The following ZNF57 variants were observed in gnomAD, a reference collection of about 807,000 sequenced individuals.
ZNF57 encodes zinc finger protein 57.
ZNF57 carries 11 observed loss-of-function variants against 13.4 expected under a neutral mutation model. The ratio of observed to expected loss-of-function variants is 0.82; its 90% CI spans 0.52 to 1.36. The LOEUF (loss-of-function observed/expected upper bound fraction) is 1.36, where lower values mean the gene tolerates loss of function less well. Among genes scored for constraint, ZNF57 ranks in the 40% most tolerant of loss-of-function variants. The pLI is 0.00. For missense variants in ZNF57, 696 were observed against 667.5 expected (o/e 1.04, Z -0.47); for synonymous variants, 224 against 238.5 (o/e 0.94, Z 0.56).
At position 2,910,915 on chromosome 19, in the gene ZNF57, G is replaced by C. The variant is rs2088128243; in HGVS notation, c.4-4607G>C. Among the ~76,000 whole-genome samples, 7 of 151,554 alleles carry C rather than the reference G, an allele frequency of 4.6e-5. No individual in the cohort carries two copies. In the Admixed American group the frequency reaches 4.6e-4, roughly 10 times the overall value. On this transcript the variant is annotated intron_variant, in intron 1 of 3. Transcript: ENST00000306908. ...GGCCTGGTTACTGTTTTCTGTTTTT[G>C]TTGCCCTGGTTCGTTGTTCCTTATT... is the stretch of plus-strand genomic sequence containing the variant.
chr19:2,911,794 A>T (rs367951675), intron 1 of ZNF57, among the ~76,000 whole-genome samples: 23 of 152,026 alleles, frequency 1.5e-4, no homozygotes, highest in African/African-American at 4.4e-4. Flanking sequence ...GTGCTTTTCA[A>T]ATCTCTCCCA....
chr19:2,903,065 G>A (rs1178516254), intron 1 of ZNF57, among the ~76,000 whole-genome samples: 1 of 152,220 alleles, frequency 6.6e-6, no homozygotes, highest in Admixed American at 6.5e-5. Flanking sequence ...TCGTAGAACA[G>A]CCGCAGCGGG....
Position 2,917,726 on chromosome 19 carries a change from T to C in ZNF57, c.1105T>C (p.Cys369Arg), listed in dbSNP as rs2088222924. 10 of 1,613,690 alleles carry C rather than the reference T, an allele frequency of 6.2e-6. No homozygotes were observed. The Middle Eastern group carries it at 5.0e-4, about 80-fold the overall frequency. The change falls in exon 4 of 4, where the codon TGT (cysteine) becomes CGT (arginine). Residue 369 changes from cysteine (C) to arginine (R), a missense_variant. Physicochemically the swap from Cys to Arg is radical, Grantham distance 180. This residue lies in a region of ZNF57 where 645 missense variants were observed against 591.5 expected (regional missense o/e 1.09). Transcript: ENST00000306908. ...TGEKPYECKQ[C>R]GKAFTWSSTF... Reference sequence around the variant, plus strand: ...AGAGAAACCTTATGAGTGTAAACAATGTGGGAAAGCCTTCACTTGGTCCTC... The same window carrying C: ...AGAGAAACCTTATGAGTGTAAACAACGTGGGAAAGCCTTCACTTGGTCCTC...
intron 1 of ZNF57, among the ~76,000 whole-genome samples, chr19:2,904,408 C>T (rs889592820): frequency 6.6e-6 from 1 of 152,150 alleles, no homozygotes; most frequent in Non-Finnish European, 1.5e-5. Context: ...GTGGTGTGAT[C>T]GTGGCTCACT....
At position 2,916,249 on chromosome 19, in the gene ZNF57, G is replaced by A. The variant is rs1238447740; in HGVS notation, c.302G>A (p.Arg101Lys). Residue 101 changes from arginine to lysine, a missense_variant and splice_region_variant, in exon 3 of 4, where the codon AGA becomes AAA. Physicochemically the swap from Arg to Lys is conservative, Grantham distance 26. Around this residue, in one of 3 missense-constraint regions of ZNF57, gnomAD observed 645 missense variants for 591.5 expected, o/e 1.09. Coordinates refer to ENST00000306908, the MANE Select transcript of ZNF57 (RefSeq NM_173480.3). Reference protein sequence around the residue: ...YGTEDHHKNLRNHMVDRFCTH... With the variant: ...YGTEDHHKNLKNHMVDRFCTH... ...ACTGAAGACCACCACAAAAATCTGA[G>A]GTGAGTTGCACTCACAAGAGAAAAA... 3.7e-6 allele frequency: 6 copies of A among 1,601,464 alleles called. No homozygotes were observed. The African/African-American group carries it at 6.7e-5, about 18-fold the overall frequency.
intron 1 of ZNF57, among the ~76,000 whole-genome samples, chr19:2,907,558 T>TA (rs2144922696): frequency 6.6e-6 from 1 of 152,328 alleles, no homozygotes; most frequent in South Asian, 2.1e-4. Context: ...TTTCCATTGG[T>TA]TCGTTTGTCC....
chr19:2,916,410 T>A, intron 3 of ZNF57, 161 bp downstream of exon 3: 2 of 680,830 alleles, frequency 2.9e-6, no homozygotes, highest in Admixed American at 6.7e-5. Context: ...TGAAACATAA[T>A]TGTTAGAAGT....
intron 1 of ZNF57, among the ~76,000 whole-genome samples, chr19:2,911,457 CGA>C (rs1486656335): frequency 6.6e-6 from 1 of 151,978 alleles, no homozygotes; most frequent in Non-Finnish European, 1.5e-5. Flanking sequence ...CTCCTGAACC[CGA>C]GAGGCAGAGG....
chr19:2,916,017 G>GTCTT lies in ZNF57; in HGVS notation c.131-60_131-57dup, dbSNP rs2088189253. ...TCCTCAAAATGCTAAACTCCTCAGTGTCTTCCTTTGCTTAATACGTGTCTT... is the reference window on the plus strand; with the variant it reads ...TCCTCAAAATGCTAAACTCCTCAGTGTCTTTCTTCCTTTGCTTAATACGTGTCTT... On this transcript the variant is annotated intron_variant, in intron 2 of 3. Transcript: ENST00000306908. The GTCTT allele has an allele frequency of 6.0e-5, 93 of 1,547,988 alleles. No homozygotes were observed. The South Asian group carries it at 1.1e-3, about 19-fold the overall frequency.
chr19:2,912,776 G>A (rs1568182125), intron 1 of ZNF57, among the ~76,000 whole-genome samples: 1 of 152,178 alleles, frequency 6.6e-6, no homozygotes, highest in Non-Finnish European at 1.5e-5. Context: ...CCAGCAATGT[G>A]TGAAGATTCC....
chr19:2,917,781 C>G lies in ZNF57; in HGVS notation c.1160C>G (p.Thr387Arg). ...STFREHVRIHTQEQLYKCEQC... is the reference protein window; with the variant it reads ...STFREHVRIHRQEQLYKCEQC... ...TTTAGAGAACATGTGAGAATTCACA[C>G]GCAAGAGCAGCTCTATAAATGTGAA... The change falls in exon 4 of 4, where the codon ACG becomes AGG. Residue 387 changes from threonine (T) to arginine (R), a missense_variant. Coordinates refer to ENST00000306908, the MANE Select transcript of ZNF57 (RefSeq NM_173480.3). The G allele has an allele frequency of 6.2e-7, 1 of 1,606,010 alleles. No homozygotes were observed. Among genetic ancestry groups the G allele is most frequent in the East Asian group, 2.2e-5 (1 of 44,846 alleles).
chr19:2,916,050 T>A (rs2043335), intron 2 of ZNF57, 28 bp from the exon 3 acceptor site: 1,543,704 of 1,599,354 alleles, frequency 0.97, 746,998 homozygotes, highest in Non-Finnish European at 0.98. Context: ...CTTATTCCTT[T>A]TGAGATTTGT....
chr19:2,916,034 A>G (rs746078871), intron 2 of ZNF57, 44 bp from the exon 3 acceptor site: 2 of 1,581,984 alleles, frequency 1.3e-6, no homozygotes, highest in Non-Finnish European at 1.7e-6. Flanking sequence ...TTTGCTTAAT[A>G]CGTGTCTTAT....
intron 1 of ZNF57, among the ~76,000 whole-genome samples, chr19:2,913,951 A>G (rs1016131888): frequency 4.6e-5 from 7 of 151,702 alleles, no homozygotes; most frequent in Admixed American, 3.3e-4. Flanking sequence ...AATATTTTGT[A>G]TTTCTATTGT....
At chr19:2,909,281 GT>G (rs753880478) in intron 1 of ZNF57, among the ~76,000 whole-genome samples, 5,218 of 106,964 alleles carry the variant, frequency 0.049, 44 homozygotes, top group Non-Finnish European at 0.057. Context: ...ATTTATTTTT[GT>G]TTTTTTTTTT....
In ZNF57 at chr19:2,917,295, A is replaced by G; in HGVS notation, c.674A>G (p.Lys225Arg). 3 of 1,614,068 alleles carry G rather than the reference A, an allele frequency of 1.9e-6. No homozygotes were observed. The highest frequency in any genetic ancestry group is 2.5e-6 in the Non-Finnish European group (3 of 1,179,952). The change falls in exon 4 of 4, where the codon AAA (lysine) becomes AGA (arginine). Residue 225 changes from lysine to arginine, a missense_variant. Coordinates refer to ENST00000306908, the MANE Select transcript of ZNF57 (RefSeq NM_173480.3). ...ACTCACACAGCAGAGAAAACCTACAAATGCGAGCAGTGTCGGATGGCGTTT... is the reference window on the plus strand; with the variant it reads ...ACTCACACAGCAGAGAAAACCTACAGATGCGAGCAGTGTCGGATGGCGTTT... ...VKTHTAEKTY[K>R]CEQCRMAFNG...
chr19:2,901,270 G>A (rs1465793645), intron 1 of ZNF57, among the ~76,000 whole-genome samples: 1 of 131,402 alleles, frequency 7.6e-6, no homozygotes, highest in Non-Finnish European at 1.6e-5. Context: ...GGGTAACTTA[G>A]GGGGAGGCCT....
intron 1 of ZNF57, among the ~76,000 whole-genome samples, chr19:2,911,535 A>C (rs1415735980): frequency 1.0e-5 from 1 of 100,298 alleles, no homozygotes; most frequent in Non-Finnish European, 1.9e-5. Flanking sequence ...TCTGTCTCAA[A>C]AACAAAAAAA....
chr19:2,904,862 C>T (rs149414320), intron 1 of ZNF57, among the ~76,000 whole-genome samples: 23 of 152,074 alleles, frequency 1.5e-4, no homozygotes, highest in African/African-American at 5.5e-4. Context: ...AGCTTACTGT[C>T]TGTGTGTGGG....
Sources: allele counts gnomAD v4.1 joint callset (sites outside exome capture counted in the v4.1 genomes callset), GRCh38; gene constraint gnomAD v4.1.1; regional missense constraint gnomAD v4.1.1; transcripts MANE v1.5; gene names NCBI Gene and HGNC (gene_info 2026-07-23, HGNC 2026-07-21).